Variants in FGD5 observed in about 807,000 individuals in gnomAD.
FGD5 encodes FYVE, RhoGEF and PH domain-containing protein 5.
Under a neutral mutation model 133.4 loss-of-function variants are expected in FGD5, and 28 were observed. The observed-to-expected ratio is 0.21, with a 90% CI of 0.16 to 0.29. The LOEUF (loss-of-function observed/expected upper bound fraction) is 0.29, where lower values mean the gene tolerates loss of function less well. Among genes scored for constraint, FGD5 ranks in the 10% least tolerant of loss-of-function variants. The probability of loss-of-function intolerance (pLI) is 1.00; values close to 1 mark genes in which losing one functional copy is unlikely to be tolerated. For missense variants in FGD5, 1,858 were observed against 1,895.2 expected (o/e 0.98, Z 0.36); for synonymous variants, 810 against 776.5 (o/e 1.04, Z -0.72).
At position 14,821,246 on chromosome 3, in the gene FGD5, T is replaced by C. The variant is rs201950374; in HGVS notation, c.2175T>C (p.Tyr725=). 1.9e-6 allele frequency: 3 copies of C among 1,613,740 alleles called. No homozygotes were observed. Among genetic ancestry groups the C allele is most frequent in the Non-Finnish European group, 2.5e-6 (3 of 1,179,878 alleles). ...ASESPSSLIF[Y]RDGKRKGVPF... is the part of the protein sequence containing the mutation. ...AATCCCCCTCCTCCCTCATCTTTTA[T>C]AGAGATGGCAAGAGGAAAGGTGTCC... Residue 725 remains tyrosine (Y), a synonymous_variant, in exon 1 of 20, where the codon TAT becomes TAC. Transcript: ENST00000285046.
chr3:14,837,118 A>G (rs945583119), intron 1 of FGD5, among the ~76,000 whole-genome samples: 1 of 152,202 alleles, frequency 6.6e-6, no homozygotes, highest in Non-Finnish European at 1.5e-5. Context: ...GCAGAGAGTC[A>G]AAACAGAGGC....
At chr3:14,823,193 C>G (rs549517723) in intron 1 of FGD5, among the ~76,000 whole-genome samples, 3 of 152,164 alleles carry the variant, frequency 2.0e-5, no homozygotes, top group Non-Finnish European at 4.4e-5. Context: ...CATCCCCCAG[C>G]TGAGTGCCTC....
At chr3:14,931,244 TTTG>T (rs2038894544) in intron 18 of FGD5, 2 of 152,252 alleles carry the variant, frequency 1.3e-5, no homozygotes, top group African/African-American at 2.4e-5. Flanking sequence ...GGTTTGTTTT[TTTG>T]TTGTTGTTTT....
At chr3:14,866,247 G>A (rs1375549756) in intron 2 of FGD5, among the ~76,000 whole-genome samples, 1 of 152,178 alleles carries the variant, frequency 6.6e-6, no homozygotes, top group Non-Finnish European at 1.5e-5. Flanking sequence ...CGGGGCTGTG[G>A]GAGGGTTGAA....
chr3:14,827,580 C>A (rs1432893659), intron 1 of FGD5, among the ~76,000 whole-genome samples: 2 of 152,150 alleles, frequency 1.3e-5, no homozygotes, highest in African/African-American at 4.8e-5. Flanking sequence ...AAAGTGTTAA[C>A]ATTGCTTATT....
At chr3:14,814,961 A>G (rs1390962844), upstream of FGD5, among the ~76,000 whole-genome samples, 1 of 152,106 alleles carries the variant, frequency 6.6e-6, no homozygotes. Context: ...CCTGTTGAGA[A>G]TCTGACCTCT....
At chr3:14,863,897 C>T (rs2037446663) in intron 1 of FGD5, among the ~76,000 whole-genome samples, 1 of 152,180 alleles carries the variant, frequency 6.6e-6, no homozygotes, top group Admixed American at 6.5e-5. Flanking sequence ...CCCCTGTCTG[C>T]AGGGAAGTGA....
intron 4 of FGD5, among the ~76,000 whole-genome samples, chr3:14,883,633 T>C (rs566720360): frequency 6.6e-6 from 1 of 152,332 alleles, no homozygotes; most frequent in East Asian, 1.9e-4. Flanking sequence ...CACAGGATGT[T>C]TACTGTAGGC....
intron 9 of FGD5, among the ~76,000 whole-genome samples, chr3:14,905,693 C>T: frequency 6.6e-6 from 1 of 152,032 alleles, no homozygotes; most frequent in African/African-American, 2.4e-5. Flanking sequence ...CCTTTCCCAC[C>T]AGGTCCTTTT....
At chr3:14,845,286 G>C (rs2037028629) in intron 1 of FGD5, among the ~76,000 whole-genome samples, 2 of 152,178 alleles carry the variant, frequency 1.3e-5, no homozygotes, top group Non-Finnish European at 2.9e-5. Flanking sequence ...CAACTTGCTG[G>C]CCACATCGAC....
intron 2 of FGD5, among the ~76,000 whole-genome samples, chr3:14,865,031 G>A (rs1478182777): frequency 3.9e-5 from 6 of 152,178 alleles, no homozygotes; most frequent in South Asian, 2.1e-4. Context: ...GAAGCATCAC[G>A]GGGTGATATG....
chr3:14,906,787 C>G (rs1316543383), intron 9 of FGD5, among the ~76,000 whole-genome samples: 1 of 152,238 alleles, frequency 6.6e-6, no homozygotes, highest in African/African-American at 2.4e-5. Flanking sequence ...GCATCTCATT[C>G]CTTTGTGGAC....
intron 1 of FGD5, among the ~76,000 whole-genome samples, chr3:14,848,064 A>C (rs2037085063): frequency 6.6e-6 from 1 of 152,160 alleles, no homozygotes; most frequent in Non-Finnish European, 1.5e-5. Flanking sequence ...CAACACTGCC[A>C]GGTCCTCCCC....
chr3:14,820,434 G>C lies in FGD5; in HGVS notation c.1363G>C (p.Gly455Arg). 1 of 1,614,006 alleles carries C rather than the reference G, an allele frequency of 6.2e-7. No homozygotes were observed. The highest frequency in any genetic ancestry group is 1.3e-5 in the African/African-American group (1 of 75,060). ...GGQAASDALG[G>R]YGSKEELNCE... ...GCAGGCTGCATCGGACGCCCTGGGT[G>C]GTTATGGCTCGAAAGAAGAATTGAA... Residue 455 changes from glycine (G) to arginine (R), a missense_variant, in exon 1 of 20, where the codon GGT becomes CGT. This residue lies in a region of FGD5 where 1,824 missense variants were observed against 1,848.9 expected (regional missense o/e 0.99). Coordinates refer to ENST00000285046, the MANE Select transcript of FGD5 (RefSeq NM_152536.4).
intron 4 of FGD5, among the ~76,000 whole-genome samples, chr3:14,889,725 C>G: frequency 6.6e-6 from 1 of 152,132 alleles, no homozygotes; most frequent in East Asian, 1.9e-4. Flanking sequence ...GGCCTCTGTA[C>G]TTGTGGCCAT....
At position 14,819,235 on chromosome 3, in the gene FGD5, A is replaced by C; in HGVS notation, c.164A>C (p.Lys55Thr). ...GATGAGGGGCCCCGGTCCATCCCAA[A>C]GTGCTCTGAGTCGGAGACCGACGAG... ...GLDEGPRSIP[K>T]CSESETDEDY... Residue 55 changes from lysine (K) to threonine (T), a missense_variant, in exon 1 of 20, where the codon AAG (lysine) becomes ACG (threonine). This residue lies in a region of FGD5 where 1,824 missense variants were observed against 1,848.9 expected (regional missense o/e 0.99). Coordinates refer to ENST00000285046, the MANE Select transcript of FGD5 (RefSeq NM_152536.4). The surrounding 1 kb of genome is among the most constrained non-coding windows in gnomAD (Gnocchi z 4.1). 3.2e-6 allele frequency: 5 copies of C among 1,544,928 alleles called. No homozygotes were observed. Among genetic ancestry groups the C allele is most frequent in the Non-Finnish European group, 4.4e-6 (5 of 1,144,198 alleles).
At chr3:14,828,572 C>T (rs2036645550) in intron 1 of FGD5, among the ~76,000 whole-genome samples, 1 of 152,128 alleles carries the variant, frequency 6.6e-6, no homozygotes, top group East Asian at 1.9e-4. Flanking sequence ...TGAGCCTAGC[C>T]AGTTCCCTCA....
At position 14,824,270 on chromosome 3, in the gene FGD5, G is replaced by A. The variant is rs1015928021; in HGVS notation, c.2525+2674G>A. On this transcript the variant is annotated intron_variant, in intron 1 of 19. Transcript: ENST00000285046. ...GCAAGGGAGGTTTGAGACGCATATC[G>A]CCAAGAGGCATGAGTGACTGCCGTG... is the stretch of plus-strand genomic sequence containing the variant. 3.9e-5 allele frequency among the ~76,000 whole-genome samples: 6 copies of A among 152,310 alleles called. No individual in the cohort carries two copies. The South Asian group carries it at 8.3e-4, about 21-fold the overall frequency.
chr3:14,831,646 G>A (rs2036710074), intron 1 of FGD5, among the ~76,000 whole-genome samples: 1 of 152,156 alleles, frequency 6.6e-6, no homozygotes, highest in South Asian at 2.1e-4. Context: ...GGTTGGGAAG[G>A]CTCTTGAAAA....
Sources: allele counts gnomAD v4.1 joint callset (sites outside exome capture counted in the v4.1 genomes callset), GRCh38; gene constraint gnomAD v4.1.1; regional missense constraint gnomAD v4.1.1; non-coding constraint Gnocchi (gnomAD v3.1); transcripts MANE v1.5; gene names NCBI Gene and HGNC (gene_info 2026-07-23, HGNC 2026-07-21).